KCNAB1: variants seen among roughly 807,000 people sequenced by gnomAD.
The protein encoded by KCNAB1 is potassium voltage-gated channel subfamily A regulatory beta subunit 1, also known as voltage-gated potassium channel subunit beta-1.
Under a neutral mutation model 64.6 loss-of-function variants are expected in KCNAB1, and 35 were observed. The ratio of observed to expected loss-of-function variants is 0.54; its 90% confidence interval spans 0.41 to 0.72. KCNAB1 has a LOEUF of 0.72. Among genes scored for constraint, KCNAB1 ranks in the 30% least tolerant of loss-of-function variants. KCNAB1 has a pLI of 0.00. For synonymous variants in KCNAB1, 177 were observed against 183.8 expected (o/e 0.96, Z 0.30); for missense variants, 401 against 512.9 (o/e 0.78, Z 2.11).
chr3:156,329,029 A>C (rs1723163198), intron 1 of KCNAB1, among the ~76,000 whole-genome samples: 1 of 152,070 alleles, frequency 6.6e-6, no homozygotes, highest in South Asian at 2.1e-4. Flanking sequence ...TCTAAGTGGG[A>C]AGTTACAGTG....
chr3:156,495,994 C>G (rs1715983450), intron 8 of KCNAB1, among the ~76,000 whole-genome samples: 1 of 152,180 alleles, frequency 6.6e-6, no homozygotes, highest in East Asian at 1.9e-4. Flanking sequence ...TACACATTTT[C>G]TATCACTGAC....
chr3:156,240,404 A>G (rs539493649), intron 1 of KCNAB1, among the ~76,000 whole-genome samples: 3 of 152,306 alleles, frequency 2.0e-5, no homozygotes, highest in South Asian at 2.1e-4. Flanking sequence ...TAGTAATACT[A>G]TTAAAATGAC....
At chr3:156,477,408 G>A (rs1217017013) in intron 8 of KCNAB1, among the ~76,000 whole-genome samples, 1 of 152,112 alleles carries the variant, frequency 6.6e-6, no homozygotes, top group Non-Finnish European at 1.5e-5. Flanking sequence ...ATAAGGTCAA[G>A]GCACATGGCA....
chr3:156,282,104 G>A lies in KCNAB1; in HGVS notation c.276-139512G>A, dbSNP rs1288023303. Among the ~76,000 whole-genome samples the A allele has an allele frequency of 9.4e-5, 14 of 148,742 alleles. 1 individual carries two copies. The highest frequency in any genetic ancestry group is 1.5e-4 in the Non-Finnish European group (10 of 67,158). ...TCCTGCTTTCTCTTGTGGGCATTTA[G>A]TGCTATAAATTTCCCTCTACACACT... On this transcript the variant is annotated intron_variant, in intron 1 of 13. Coordinates refer to ENST00000490337, the MANE Select transcript of KCNAB1 (RefSeq NM_172160.3).
chr3:156,239,456 C>T (rs779317501), intron 1 of KCNAB1, among the ~76,000 whole-genome samples: 27 of 152,150 alleles, frequency 1.8e-4, no homozygotes, highest in Non-Finnish European at 3.7e-4. Flanking sequence ...GTCAACCTTT[C>T]CCCATTCCTC....
intron 1 of KCNAB1, among the ~76,000 whole-genome samples, chr3:156,319,770 T>C (rs946208888): frequency 6.6e-6 from 1 of 152,232 alleles, no homozygotes; most frequent in Non-Finnish European, 1.5e-5. Context: ...ACATCTCCTA[T>C]TGGATATTCT....
intron 1 of KCNAB1, among the ~76,000 whole-genome samples, chr3:156,415,368 T>A (rs1389806275): frequency 6.6e-6 from 1 of 152,248 alleles, no homozygotes; most frequent in Non-Finnish European, 1.5e-5. Context: ...TACCTCCATT[T>A]ATGAATGAGG....
intron 1 of KCNAB1, among the ~76,000 whole-genome samples, chr3:156,127,657 AG>A (rs1464175986): frequency 6.6e-6 from 1 of 152,156 alleles, no homozygotes; most frequent in East Asian, 1.9e-4. Flanking sequence ...TGGCCACTAA[AG>A]ATGGTGATGA....
At chr3:156,327,558 A>G (rs955841300) in intron 1 of KCNAB1, among the ~76,000 whole-genome samples, 4 of 152,196 alleles carry the variant, frequency 2.6e-5, no homozygotes, top group Admixed American at 2.0e-4. Context: ...ATATAGTACT[A>G]TGGGCTAGAT....
chr3:156,345,577 G>A (rs1040677767), intron 1 of KCNAB1, among the ~76,000 whole-genome samples: 1 of 152,230 alleles, frequency 6.6e-6, no homozygotes, highest in Non-Finnish European at 1.5e-5. Context: ...TGGATGCAGG[G>A]CTGATAAGTT....
chr3:156,410,234 C>T (rs1474202409), intron 1 of KCNAB1, among the ~76,000 whole-genome samples: 1 of 152,170 alleles, frequency 6.6e-6, no homozygotes, highest in Admixed American at 6.5e-5. Flanking sequence ...GTATTCAACT[C>T]TAGTTTCAGA....
chr3:156,311,462 T>C (rs1388966865), intron 1 of KCNAB1, among the ~76,000 whole-genome samples: 1 of 152,174 alleles, frequency 6.6e-6, no homozygotes, highest in African/African-American at 2.4e-5. Context: ...GTCCTACCAC[T>C]GAAGGATAGG....
intron 12 of KCNAB1, among the ~76,000 whole-genome samples, chr3:156,524,514 A>G (rs1055969073): frequency 3.3e-5 from 5 of 152,096 alleles, no homozygotes; most frequent in African/African-American, 7.2e-5. Context: ...TTGGGAGGCC[A>G]AGGTGGGCGG....
intron 1 of KCNAB1, among the ~76,000 whole-genome samples, chr3:156,271,535 A>G (rs1719037148): frequency 6.6e-6 from 1 of 152,162 alleles, no homozygotes; most frequent in African/African-American, 2.4e-5. Context: ...ATACTTGAGT[A>G]TTTTAAATTA....
chr3:156,522,307 A>G (rs1258959158), intron 11 of KCNAB1, among the ~76,000 whole-genome samples: 1 of 152,004 alleles, frequency 6.6e-6, no homozygotes, highest in Non-Finnish European at 1.5e-5. Context: ...AGGATTGGTG[A>G]TGTTTTTCCC....
chr3:156,224,048 A>G (rs928786985), intron 1 of KCNAB1, among the ~76,000 whole-genome samples: 1 of 152,222 alleles, frequency 6.6e-6, no homozygotes, highest in Admixed American at 6.5e-5. Flanking sequence ...GGCGGGCTGC[A>G]TGTCCTGAGC....
At chr3:156,313,665 G>T (rs1722078944) in intron 1 of KCNAB1, among the ~76,000 whole-genome samples, 1 of 152,232 alleles carries the variant, frequency 6.6e-6, no homozygotes, top group African/African-American at 2.4e-5. Context: ...AACCCCGTCT[G>T]CATCTTGACT....
At chr3:156,437,327 T>G (rs917380375) in intron 2 of KCNAB1, among the ~76,000 whole-genome samples, 4 of 152,218 alleles carry the variant, frequency 2.6e-5, no homozygotes, top group African/African-American at 7.2e-5. Context: ...GAATGCACTT[T>G]CTATTTCTAT....
intron 2 of KCNAB1, among the ~76,000 whole-genome samples, chr3:156,424,801 G>T (rs1477243095): frequency 1.3e-5 from 2 of 152,056 alleles, no homozygotes; most frequent in East Asian, 3.9e-4. Context: ...TGAGGTGCAG[G>T]CATTTTAGTG....
Sources: gnomAD v4.1 joint callset for allele counts (sites outside exome capture counted in the v4.1 genomes callset) on GRCh38, gnomAD v4.1.1 for gene constraint, MANE v1.5 for transcripts, NCBI Gene and HGNC (gene_info 2026-07-23, HGNC 2026-07-21) for gene names.